ANKMY2: variants seen among roughly 807,000 people sequenced by gnomAD.
The protein encoded by ANKMY2 is ankyrin repeat and MYND domain containing 2, also known as ankyrin repeat and MYND domain-containing protein 2.
ANKMY2 carries 36 observed loss-of-function variants against 50.4 expected under a neutral mutation model. The observed-to-expected ratio is 0.71, with a 90% CI of 0.55 to 0.94. The LOEUF is 0.94. Among genes scored for constraint, ANKMY2 ranks in the 40% least tolerant of loss-of-function variants. ANKMY2 has a pLI of 0.00. For missense variants in ANKMY2, 565 were observed against 524.0 expected (o/e 1.08, Z -0.76); for synonymous variants, 187 against 178.8 (o/e 1.05, Z -0.36).
intron 4 of ANKMY2, among the ~76,000 whole-genome samples, chr7:16,622,656 C>T (rs1280868708): frequency 6.6e-6 from 1 of 151,976 alleles, no homozygotes; most frequent in African/African-American, 2.4e-5. Context: ...AGGAGAATCA[C>T]TTGAACCCGG....
chr7:16,640,761 G>C (rs1023877011), intron 1 of ANKMY2, among the ~76,000 whole-genome samples: 3 of 152,082 alleles, frequency 2.0e-5, no homozygotes, highest in African/African-American at 7.2e-5. Context: ...CTGGGTCCAA[G>C]TGATCCTCTT....
At chr7:16,636,120 T>C (rs934869428) in intron 2 of ANKMY2, among the ~76,000 whole-genome samples, 5 of 151,632 alleles carry the variant, frequency 3.3e-5, no homozygotes, top group Admixed American at 6.6e-5. Context: ...CAGGTGAATA[T>C]AGTGAAACCC....
intron 2 of ANKMY2, among the ~76,000 whole-genome samples, chr7:16,634,376 C>T (rs920178972): frequency 6.6e-6 from 1 of 152,052 alleles, no homozygotes; most frequent in Non-Finnish European, 1.5e-5. Context: ...TAGCTTATAA[C>T]CTTAAGAGGG....
Position 16,600,513 on chromosome 7 carries a change from T to C in ANKMY2, c.*248A>G, listed in dbSNP as rs1781028553. On this transcript the variant is annotated 3_prime_UTR_variant, in exon 10 of 10. Coordinates refer to ENST00000306999, the MANE Select transcript of ANKMY2 (RefSeq NM_020319.3). ...TGGAAAGCCAGCCTCAGAAAGGTAA[T>C]AGGAATGTTTTTCCTGTATTTTGAA... 2 of 325,638 alleles carry C rather than the reference T, an allele frequency of 6.1e-6. No homozygotes were observed. Among genetic ancestry groups the C allele is most frequent in the Non-Finnish European group, 1.1e-5 (2 of 180,906 alleles). The allele number at this position is 325,638 out of a possible 1,614,324, so 20.2% of individuals were successfully genotyped here.
At chr7:16,608,526 T>C (rs1290792905) in intron 7 of ANKMY2, among the ~76,000 whole-genome samples, 6 of 151,980 alleles carry the variant, frequency 3.9e-5, no homozygotes, top group Non-Finnish European at 7.4e-5. Flanking sequence ...GAGAATGACA[T>C]AACAACCCAG....
intron 5 of ANKMY2, among the ~76,000 whole-genome samples, chr7:16,614,009 T>G (rs953141441): frequency 1.3e-5 from 2 of 151,590 alleles, no homozygotes; most frequent in African/African-American, 4.9e-5. Flanking sequence ...ATCAGAAAAG[T>G]ACAGGGAACT....
intron 1 of ANKMY2, chr7:16,644,717 T>C (rs1010104581): frequency 4.2e-6 from 2 of 471,124 alleles, no homozygotes; most frequent in Non-Finnish European, 4.4e-6. Flanking sequence ...AGGGAACTCC[T>C]CTGGGACGTC....
intron 9 of ANKMY2, 40 bp downstream of exon 9, chr7:16,602,340 C>A: frequency 6.3e-7 from 1 of 1,599,200 alleles, no homozygotes; most frequent in Non-Finnish European, 8.5e-7. Context: ...ATCTCTCTCT[C>A]CACTAAAAAG....
intron 4 of ANKMY2, among the ~76,000 whole-genome samples, chr7:16,617,251 G>C (rs1392427780): frequency 6.6e-6 from 1 of 152,084 alleles, no homozygotes; most frequent in East Asian, 1.9e-4. Flanking sequence ...ACTTGCATTA[G>C]ATTTGCTTGG....
At chr7:16,626,732 A>C (rs1160530725) in intron 3 of ANKMY2, among the ~76,000 whole-genome samples, 1 of 152,230 alleles carries the variant, frequency 6.6e-6, no homozygotes, top group African/African-American at 2.4e-5. Flanking sequence ...ATGTCACTTG[A>C]AAATATAAAG....
At chr7:16,616,559 G>A (rs1781352901) in intron 4 of ANKMY2, among the ~76,000 whole-genome samples, 1 of 118,354 alleles carries the variant, frequency 8.4e-6, no homozygotes, top group Non-Finnish European at 1.8e-5. Flanking sequence ...GTTTGCAAGT[G>A]TGCTCCTGCG....
chr7:16,604,878 C>T, intron 7 of ANKMY2, 29 bp from the exon 8 acceptor site: 3 of 1,589,828 alleles, frequency 1.9e-6, no homozygotes, highest in Non-Finnish European at 2.6e-6. Context: ...GGAGAAAAAA[C>T]AAATTCTGAA....
chr7:16,603,354 C>G (rs972522047), intron 8 of ANKMY2, among the ~76,000 whole-genome samples: 4 of 152,272 alleles, frequency 2.6e-5, no homozygotes, highest in Admixed American at 1.3e-4. Context: ...GCAACTCACT[C>G]TAGCTGTGGT....
intron 4 of ANKMY2, among the ~76,000 whole-genome samples, chr7:16,623,715 T>G (rs1017440853): frequency 7.2e-5 from 11 of 152,212 alleles, no homozygotes; most frequent in Admixed American, 3.3e-4. Flanking sequence ...ACCCTCAAAA[T>G]TAGCTCAGAA....
chr7:16,616,027 A>G, intron 4 of ANKMY2, 123 bp from the exon 5 acceptor site: 1 of 921,460 alleles, frequency 1.1e-6, no homozygotes, highest in Non-Finnish European at 1.6e-6. Context: ...ATTTTTCAGG[A>G]AAGGAGAGTA....
At chr7:16,641,991 T>G (rs1005425594) in intron 1 of ANKMY2, among the ~76,000 whole-genome samples, 1 of 152,158 alleles carries the variant, frequency 6.6e-6, no homozygotes, top group South Asian at 2.1e-4. Flanking sequence ...GTTTCACAGA[T>G]GTATGTTTAA....
chr7:16,624,469 A>G (rs1781482816), intron 4 of ANKMY2, among the ~76,000 whole-genome samples: 1 of 152,234 alleles, frequency 6.6e-6, no homozygotes, highest in Admixed American at 6.5e-5. Context: ...ACTCTTTCCT[A>G]AGAGTTATGT....
chr7:16,609,589 G>C, intron 7 of ANKMY2, 41 bp downstream of exon 7: 1 of 1,556,546 alleles, frequency 6.4e-7, no homozygotes, highest in Non-Finnish European at 8.6e-7. Context: ...GTGGGAATTA[G>C]GTTTTACTGA....
chr7:16,618,214 C>G (rs754560159), intron 4 of ANKMY2, among the ~76,000 whole-genome samples: 1 of 152,124 alleles, frequency 6.6e-6, no homozygotes, highest in East Asian at 1.9e-4. Context: ...GCGTGAGCCA[C>G]CATGCCCAGC....
Sources: gnomAD v4.1 joint callset for allele counts (sites outside exome capture counted in the v4.1 genomes callset) on GRCh38, gnomAD v4.1.1 for gene constraint, MANE v1.5 for transcripts, NCBI Gene and HGNC (gene_info 2026-07-23, HGNC 2026-07-21) for gene names.